Variants in UGT1A6 observed in about 807,000 individuals in gnomAD.
UGT1A6 encodes the protein UDP-glucuronosyltransferase 1A6.
UGT1A6 carries 32 observed loss-of-function variants against 44.4 expected under a neutral mutation model. The ratio of observed to expected loss-of-function variants is 0.72; its 90% CI spans 0.54 to 0.97. UGT1A6 has a LOEUF of 0.97. Ranked by LOEUF, UGT1A6 falls within the 50% of genes least tolerant of loss-of-function variation. The pLI is 0.00. For synonymous variants in UGT1A6, 238 were observed against 248.5 expected, an observed-to-expected ratio of 0.96 and a Z score of 0.40; for missense variants, 685 against 661.9, an observed-to-expected ratio of 1.03 and a Z score of -0.38.
chr2:233,748,172 T>C, intron 1 of UGT1A6: 1 of 1,584,752 alleles, frequency 6.3e-7, no homozygotes, highest in East Asian at 2.2e-5. Flanking sequence ...TCTACTTATC[T>C]TTCTGGTGCT....
Position 233,772,271 on chromosome 2 carries a change from G to A in UGT1A6, c.1311G>A (p.Glu437=). The A allele has an allele frequency of 6.2e-7, 1 of 1,614,244 alleles. No individual in the cohort carries two copies. Among genetic ancestry groups the A allele is most frequent in the Non-Finnish European group, 8.5e-7 (1 of 1,180,050 alleles). Residue 437 remains glutamate, a synonymous_variant, in exon 5 of 5, where the codon GAG becomes GAA. Transcript: ENST00000305139. The stretch of plus-strand genomic sequence containing the variant: ...CTGTCTTTGTGTTTAGTTACAAGGA[G>A]AACATCATGCGCCTCTCCAGCCTTC... ...KAVINDKSYK[E]NIMRLSSLHK...
chr2:233,767,641 T>G (rs941477411), intron 2 of UGT1A6, among the ~76,000 whole-genome samples: 5 of 152,170 alleles, frequency 3.3e-5, no homozygotes, highest in African/African-American at 1.2e-4. Flanking sequence ...TATCACAAAT[T>G]CACGTAGTGC....
At chr2:233,754,372 G>A (rs994818909) in intron 1 of UGT1A6, 3 of 279,470 alleles carry the variant, frequency 1.1e-5, no homozygotes, top group East Asian at 9.0e-5. Flanking sequence ...TACAATGATC[G>A]AAAGACAAAC....
chr2:233,756,049 A>G (rs1408892544), intron 1 of UGT1A6: 1 of 152,200 alleles, frequency 6.6e-6, no homozygotes, highest in Admixed American at 6.5e-5. Flanking sequence ...GGAAAACTCC[A>G]CTGTACACTT....
At chr2:233,754,954 C>A (rs761740156) in intron 1 of UGT1A6, 10 of 1,315,520 alleles carry the variant, frequency 7.6e-6, no homozygotes, top group Non-Finnish European at 9.2e-6. Flanking sequence ...GGGTCCCGGC[C>A]GCCAAAGAAC....
rs369685158 is a variant in UGT1A6, at chr2:233,713,685, GC to G, written c.861+19821del. On this transcript the variant is annotated intron_variant, in intron 1 of 4. Transcript: ENST00000305139. ...TTGCCATGCTGTTTCTGCTCCTTAT[GC>G]AAGCCTTGCCTCTGAGCTTTTTCAG... is the stretch of plus-strand genomic sequence containing the variant. The G allele has an allele frequency of 8.8e-4, 1,413 of 1,613,920 alleles. 18 individuals are homozygous for G. The South Asian group carries it at 0.011, about 13-fold the overall frequency.
intron 1 of UGT1A6, among the ~76,000 whole-genome samples, chr2:233,745,884 T>C (rs1158721424): frequency 1.3e-5 from 2 of 150,192 alleles, no homozygotes; most frequent in East Asian, 2.0e-4. Flanking sequence ...GAAGTGTTGG[T>C]GGGGTGGCGT....
chr2:233,761,113 G>T (rs72551345), intron 1 of UGT1A6: 1 of 1,614,106 alleles, frequency 6.2e-7, no homozygotes, highest in South Asian at 1.1e-5. Flanking sequence ...GGTTTTTGTT[G>T]GTGGAATCAA....
intron 1 of UGT1A6, among the ~76,000 whole-genome samples, chr2:233,700,741 C>CTT (rs1337055948): frequency 1.3e-5 from 2 of 151,592 alleles, no homozygotes; most frequent in Non-Finnish European, 2.9e-5. Flanking sequence ...TATTATTATA[C>CTT]TTTAAGTTTT....
intron 1 of UGT1A6, among the ~76,000 whole-genome samples, chr2:233,710,776 G>T (rs28898590): frequency 0.038 from 5,758 of 152,276 alleles, 135 homozygotes; most frequent in Non-Finnish European, 0.057. Context: ...GTCAATTTTA[G>T]CAAACGTTTT....
chr2:233,715,924 G>T (rs1302782144), intron 1 of UGT1A6, among the ~76,000 whole-genome samples: 3 of 152,178 alleles, frequency 2.0e-5, no homozygotes, highest in African/African-American at 7.2e-5. Flanking sequence ...TTGAGCTCAG[G>T]AGTTTCAGCT....
chr2:233,691,765 G>A (rs1355793466), upstream of UGT1A6: 1 of 421,572 alleles, frequency 2.4e-6, no homozygotes, highest in Non-Finnish European at 3.2e-6. Flanking sequence ...TCCTGCTCTA[G>A]GATTCTCACC....
At chr2:233,756,950 A>C (rs1419831234) in intron 1 of UGT1A6, among the ~76,000 whole-genome samples, 3 of 152,034 alleles carry the variant, frequency 2.0e-5, no homozygotes, top group Admixed American at 2.0e-4. Flanking sequence ...TGAAACCCGG[A>C]CTTGGCACTT....
chr2:233,704,379 G>A (rs1421348597), intron 1 of UGT1A6, among the ~76,000 whole-genome samples: 2 of 150,778 alleles, frequency 1.3e-5, no homozygotes, highest in South Asian at 2.1e-4. Context: ...TTAGCACATC[G>A]ATTTTAACTT....
chr2:233,713,095 C>T (rs2076277605), intron 1 of UGT1A6: 1 of 1,614,166 alleles, frequency 6.2e-7, no homozygotes, highest in Non-Finnish European at 8.5e-7. Flanking sequence ...CTGGTGGTGC[C>T]CACTGATGGC....
intron 1 of UGT1A6, chr2:233,721,922 G>A: frequency 2.5e-6 from 1 of 400,722 alleles, no homozygotes; most frequent in Non-Finnish European, 5.0e-6. Flanking sequence ...CTTCCATAAA[G>A]TGACATCCTT....
chr2:233,729,076 T>C (rs907733585), intron 1 of UGT1A6: 3 of 1,612,000 alleles, frequency 1.9e-6, no homozygotes, highest in Non-Finnish European at 2.5e-6. Context: ...AAAGCAAATG[T>C]AGCAGGCACA....
At chr2:233,763,651 C>T (rs1168041564) in intron 1 of UGT1A6, among the ~76,000 whole-genome samples, 2 of 152,174 alleles carry the variant, frequency 1.3e-5, no homozygotes, top group Non-Finnish European at 2.9e-5. Context: ...TCTCAATACT[C>T]TTGATAAAAC....
At chr2:233,731,192 A>C (rs1451773849) in intron 1 of UGT1A6, among the ~76,000 whole-genome samples, 1 of 152,106 alleles carries the variant, frequency 6.6e-6, no homozygotes. Context: ...GTAATTATTC[A>C]ATTATAAAAT....
Sources: allele counts gnomAD v4.1 joint callset (sites outside exome capture counted in the v4.1 genomes callset), GRCh38; gene constraint gnomAD v4.1.1; transcripts MANE v1.5; gene names NCBI Gene and HGNC (gene_info 2026-07-23, HGNC 2026-07-21).